The following LDLRAD3 variants were observed in gnomAD, a reference collection of about 807,000 sequenced individuals.
The protein encoded by LDLRAD3 is low density lipoprotein receptor class A domain containing 3.
LDLRAD3 carries 20 observed loss-of-function variants against 29.4 expected under a neutral mutation model. The observed-to-expected ratio is 0.68, with a 90% CI of 0.48 to 0.99. The LOEUF (loss-of-function observed/expected upper bound fraction) is 0.99, where lower values mean the gene tolerates loss of function less well. Ranked by LOEUF, LDLRAD3 falls within the 50% of genes least tolerant of loss-of-function variation. The pLI is 0.00. For synonymous variants in LDLRAD3, 157 were observed against 192.7 expected (o/e 0.81, Z 1.53); for missense variants, 420 against 454.3 (o/e 0.92, Z 0.69).
intron 4 of LDLRAD3, among the ~76,000 whole-genome samples, chr11:36,183,440 G>A (rs11033481): frequency 0.28 from 42,352 of 152,016 alleles, 6,016 homozygotes; most frequent in African/African-American, 0.32. Context: ...ACCATATTAC[G>A]TGGAGAAATA....
chr11:36,110,482 T>A (rs1335189111), intron 4 of LDLRAD3, among the ~76,000 whole-genome samples: 1 of 152,170 alleles, frequency 6.6e-6, no homozygotes, highest in Non-Finnish European at 1.5e-5. Flanking sequence ...GCTGTCTCTC[T>A]GCAAGTTTGC....
chr11:36,042,348 A>G (rs1338910930), intron 2 of LDLRAD3, among the ~76,000 whole-genome samples: 2 of 152,158 alleles, frequency 1.3e-5, no homozygotes, highest in Non-Finnish European at 2.9e-5. Context: ...CCGGCTCCAC[A>G]CACCAAATGC....
At position 36,015,696 on chromosome 11, in the gene LDLRAD3, G is replaced by A. The variant is rs148860717; in HGVS notation, c.47-20407G>A. Among the ~76,000 whole-genome samples the A allele has an allele frequency of 9.8e-4, 147 of 149,844 alleles. 2 individuals are homozygous for A. Among genetic ancestry groups the A allele is most frequent in the African/African-American group, 3.6e-3 (145 of 40,600 alleles). On this transcript the variant is annotated intron_variant, in intron 1 of 5. Transcript: ENST00000315571. ...CACTGTTCTGACTTCCAACATCACA[G>A]ATTCCTTTCTTCTGTTTTTGAACTG... is the stretch of plus-strand genomic sequence containing the variant.
chr11:35,963,535 C>T (rs1851304422), intron 1 of LDLRAD3, among the ~76,000 whole-genome samples: 1 of 152,078 alleles, frequency 6.6e-6, no homozygotes, highest in African/African-American at 2.4e-5. Flanking sequence ...GCTTTGCCAC[C>T]CGATTAAAGC....
intron 1 of LDLRAD3, among the ~76,000 whole-genome samples, chr11:35,951,068 T>A (rs1027147743): frequency 6.6e-6 from 1 of 151,940 alleles, no homozygotes; most frequent in Non-Finnish European, 1.5e-5. Context: ...GGTGACATAG[T>A]GAGACTCTGT....
At chr11:35,945,591 A>G (rs1236702121) in intron 1 of LDLRAD3, among the ~76,000 whole-genome samples, 1 of 152,216 alleles carries the variant, frequency 6.6e-6, no homozygotes, top group African/African-American at 2.4e-5. Context: ...GGAGGCTGTT[A>G]GAGCAGGTCG....
At chr11:36,086,103 T>C (rs894674920) in intron 3 of LDLRAD3, among the ~76,000 whole-genome samples, 1 of 152,314 alleles carries the variant, frequency 6.6e-6, no homozygotes, top group Non-Finnish European at 1.5e-5. Flanking sequence ...CTAAAATTTC[T>C]TTTTGGTTTT....
intron 4 of LDLRAD3, among the ~76,000 whole-genome samples, chr11:36,138,078 T>C (rs529478978): frequency 6.6e-6 from 1 of 152,314 alleles, no homozygotes; most frequent in South Asian, 2.1e-4. Context: ...TGCTTGAAGA[T>C]CAGGGAGTTG....
chr11:36,206,906 T>C (rs1257515357), intron 4 of LDLRAD3, among the ~76,000 whole-genome samples: 2 of 151,964 alleles, frequency 1.3e-5, no homozygotes, highest in East Asian at 3.9e-4. Flanking sequence ...TTCTGTATTT[T>C]TAGTAGAGAC....
chr11:35,945,243 G>A (rs1296407072), intron 1 of LDLRAD3, among the ~76,000 whole-genome samples: 1 of 152,208 alleles, frequency 6.6e-6, no homozygotes, highest in Non-Finnish European at 1.5e-5. Context: ...TGGCCTGTGG[G>A]TTTGCTAAGT....
intron 2 of LDLRAD3, among the ~76,000 whole-genome samples, chr11:36,054,690 G>C (rs1852579988): frequency 6.7e-6 from 1 of 148,328 alleles, no homozygotes; most frequent in Non-Finnish European, 1.5e-5. Flanking sequence ...TGGATGCATA[G>C]ATGAATGGGT....
intron 4 of LDLRAD3, among the ~76,000 whole-genome samples, chr11:36,191,497 C>T (rs1487089519): frequency 1.3e-5 from 2 of 149,320 alleles, no homozygotes; most frequent in Admixed American, 6.7e-5. Context: ...GAGCTATGAG[C>T]GCGCCACTGC....
chr11:36,148,248 A>C (rs966314779), intron 4 of LDLRAD3, among the ~76,000 whole-genome samples: 1 of 152,312 alleles, frequency 6.6e-6, no homozygotes, highest in Non-Finnish European at 1.5e-5. Flanking sequence ...AAAGGAGCCC[A>C]GTGATGGTCC....
At chr11:35,994,336 C>CAAAAAA (rs36041385) in intron 1 of LDLRAD3, among the ~76,000 whole-genome samples, 1 of 48,994 alleles carries the variant, frequency 2.0e-5, no homozygotes, top group African/African-American at 7.2e-5. Context: ...GACTTTGTCT[C>CAAAAAA]AAAAAAAAAA....
At chr11:35,964,056 G>A (rs1276238970) in intron 1 of LDLRAD3, among the ~76,000 whole-genome samples, 3 of 152,172 alleles carry the variant, frequency 2.0e-5, no homozygotes, top group African/African-American at 7.2e-5. Flanking sequence ...CCAGGATGGC[G>A]TGGGCTGGGT....
At chr11:36,038,161 G>T (rs1283752395) in intron 2 of LDLRAD3, among the ~76,000 whole-genome samples, 1 of 152,110 alleles carries the variant, frequency 6.6e-6, no homozygotes, top group East Asian at 1.9e-4. Context: ...GCCTTCCAAC[G>T]TGCTGGGATT....
chr11:36,025,774 A>AT (rs754006718), intron 1 of LDLRAD3, among the ~76,000 whole-genome samples: 5,338 of 84,404 alleles, frequency 0.063, 275 homozygotes, highest in South Asian at 0.094. Context: ...CCTGAATTTG[A>AT]TTTTTTTTTT....
intron 1 of LDLRAD3, among the ~76,000 whole-genome samples, chr11:35,980,584 G>A (rs1851528489): frequency 6.6e-6 from 1 of 152,130 alleles, no homozygotes; most frequent in African/African-American, 2.4e-5. Flanking sequence ...CCTGGGCCTT[G>A]TGAAAGTATT....
At chr11:36,134,274 G>A (rs1445274024) in intron 4 of LDLRAD3, among the ~76,000 whole-genome samples, 2 of 152,198 alleles carry the variant, frequency 1.3e-5, no homozygotes, top group Non-Finnish European at 2.9e-5. Context: ...ATTTTAAGAT[G>A]TGTAAAGTGT....
Sources: gnomAD v4.1 joint callset for allele counts (sites outside exome capture counted in the v4.1 genomes callset) on GRCh38, gnomAD v4.1.1 for gene constraint, MANE v1.5 for transcripts, NCBI Gene and HGNC (gene_info 2026-07-23, HGNC 2026-07-21) for gene names.